The following UNC13C variants were observed in gnomAD, a reference collection of about 807,000 sequenced individuals.
The protein encoded by UNC13C is unc-13 homolog C.
In UNC13C, 174 loss-of-function variants were observed where a neutral mutation model predicts 245.4. The ratio of observed to expected loss-of-function variants is 0.71; its 90% CI spans 0.63 to 0.80. The LOEUF (loss-of-function observed/expected upper bound fraction) is 0.80. UNC13C is among the 30% of genes least tolerant of loss of function. UNC13C has a pLI of 0.00. For synonymous variants in UNC13C, 992 were observed against 895.1 expected (o/e 1.11, Z -1.93); for missense variants, 2,829 against 2,602.9 (o/e 1.09, Z -1.89).
At chr15:53,916,446 C>T in the UNC13C span, among the ~76,000 whole-genome samples, 3 of 151,974 alleles carry the variant, frequency 2.0e-5, no homozygotes, top group Non-Finnish European at 4.4e-5. Flanking sequence ...AGAAGGCTGA[C>T]CTGGAATGGA....
intron 4 of UNC13C, among the ~76,000 whole-genome samples, chr15:54,222,992 T>C (rs2035272666): frequency 6.6e-6 from 1 of 151,922 alleles, no homozygotes; most frequent in African/African-American, 2.4e-5. Flanking sequence ...TTCTGGTTAT[T>C]AATCTCTTGT....
upstream of UNC13C, among the ~76,000 whole-genome samples, chr15:53,975,697 G>A (rs758021021): frequency 6.6e-6 from 1 of 152,176 alleles, no homozygotes; most frequent in Non-Finnish European, 1.5e-5. Flanking sequence ...AGTGACCCAG[G>A]TTCCTTGCTT....
chr15:54,455,197 C>CTA (rs1891423219), intron 19 of UNC13C, among the ~76,000 whole-genome samples: 5 of 43,918 alleles, frequency 1.1e-4, no homozygotes, highest in Admixed American at 3.0e-4. Context: ...CTCTCTCTCT[C>CTA]TCTCTCTCTA....
chr15:53,975,504 G>A (rs992830254), upstream of UNC13C, among the ~76,000 whole-genome samples: 2 of 152,120 alleles, frequency 1.3e-5, no homozygotes, highest in Non-Finnish European at 2.9e-5. Context: ...AATAAAGATC[G>A]AGGTTTTCTA....
chr15:54,067,481 T>A (rs1898128025), intron 2 of UNC13C, among the ~76,000 whole-genome samples: 1 of 152,192 alleles, frequency 6.6e-6, no homozygotes, highest in Admixed American at 6.5e-5. Context: ...ATTATTTCAG[T>A]CAATAAGTCA....
chr15:54,126,208 G>T lies in UNC13C; in HGVS notation c.2984-16810G>T, dbSNP rs549947590. Among the ~76,000 whole-genome samples the T allele has an allele frequency of 2.6e-5, 4 of 152,092 alleles. No individual in the cohort carries two copies. In the South Asian group the frequency reaches 6.2e-4, roughly 24 times the overall value. ...CATAATAAAGTGGATTAAAAAACATGCCTCAACTATATGCTCTCCATAAGG... is the reference window on the plus strand; with the variant it reads ...CATAATAAAGTGGATTAAAAAACATTCCTCAACTATATGCTCTCCATAAGG... On this transcript the variant is annotated intron_variant, in intron 2 of 32. Transcript: ENST00000260323.
chr15:54,490,976 C>G (rs1893675150), intron 19 of UNC13C, among the ~76,000 whole-genome samples: 1 of 152,206 alleles, frequency 6.6e-6, no homozygotes, highest in Admixed American at 6.5e-5. Context: ...CCACAACATC[C>G]TGTACCTGTC....
At chr15:54,136,673 G>C (rs984200986) in intron 2 of UNC13C, among the ~76,000 whole-genome samples, 5 of 152,070 alleles carry the variant, frequency 3.3e-5, no homozygotes, top group African/African-American at 1.2e-4. Flanking sequence ...TATGATGTTA[G>C]CTATGGGCTT....
intron 19 of UNC13C, among the ~76,000 whole-genome samples, chr15:54,464,377 A>G (rs924366047): frequency 2.0e-5 from 3 of 152,164 alleles, no homozygotes; most frequent in Admixed American, 1.3e-4. Context: ...GCTATCATTT[A>G]TCTTCCAAGT....
chr15:54,359,079 T>A (rs2140859720), intron 17 of UNC13C, among the ~76,000 whole-genome samples: 1 of 152,064 alleles, frequency 6.6e-6, no homozygotes, highest in East Asian at 1.9e-4. Context: ...ATATTCATAT[T>A]TGATTTTTTG....
At chr15:53,949,023 T>TA in the UNC13C span, among the ~76,000 whole-genome samples, 2 of 152,248 alleles carry the variant, frequency 1.3e-5, no homozygotes, top group African/African-American at 4.8e-5. Flanking sequence ...GGATTGAAGA[T>TA]ACAGCAGTGG....
At chr15:54,501,459 C>T (rs1596482298) in intron 22 of UNC13C, among the ~76,000 whole-genome samples, 1 of 152,096 alleles carries the variant, frequency 6.6e-6, no homozygotes, top group African/African-American at 2.4e-5. Flanking sequence ...TCATATTTGA[C>T]ATATTGATTT....
chr15:54,017,622 T>A (rs1215502667), intron 2 of UNC13C, among the ~76,000 whole-genome samples: 1 of 152,144 alleles, frequency 6.6e-6, no homozygotes, highest in African/African-American at 2.4e-5. Flanking sequence ...AGATGATACA[T>A]TTCAGAAAAA....
intron 17 of UNC13C, among the ~76,000 whole-genome samples, chr15:54,347,073 A>G (rs2038875842): frequency 6.6e-6 from 1 of 152,204 alleles, no homozygotes; most frequent in Non-Finnish European, 1.5e-5. Context: ...GCTGGATAAT[A>G]TTAATAGTGA....
At chr15:54,394,215 T>A (rs1426225296) in intron 18 of UNC13C, among the ~76,000 whole-genome samples, 1 of 151,910 alleles carries the variant, frequency 6.6e-6, no homozygotes, top group Non-Finnish European at 1.5e-5. Context: ...CTACTTACTA[T>A]TAACCACCCA....
At chr15:54,534,118 G>T (rs1289975923) in intron 26 of UNC13C, among the ~76,000 whole-genome samples, 1 of 152,096 alleles carries the variant, frequency 6.6e-6, no homozygotes, top group Non-Finnish European at 1.5e-5. Flanking sequence ...CCACTGCATC[G>T]CTGCCACCAG....
intron 24 of UNC13C, among the ~76,000 whole-genome samples, chr15:54,512,083 TTGTG>T (rs936465364): frequency 3.3e-5 from 5 of 152,184 alleles, no homozygotes; most frequent in African/African-American, 1.2e-4. Context: ...GCATGTATGT[TTGTG>T]TGTGTAGTCA....
In UNC13C at chr15:54,552,267, A is replaced by G. The variant is rs983442211; in HGVS notation, c.5877+2576A>G. On this transcript the variant is annotated intron_variant, in intron 28 of 32. Transcript: ENST00000260323. ...ATAATTATATTATATATTACAATAT[A>G]TAATATAAAATTATGTATTATATAT... Among the ~76,000 whole-genome samples the G allele has an allele frequency of 3.0e-5, 4 of 134,762 alleles. No individual in the cohort carries two copies. In the Admixed American group the frequency reaches 3.5e-4, roughly 12 times the overall value. 88.4% of individuals were successfully genotyped at this position (134,762 alleles called of 152,430 possible). A position where few individuals can be genotyped will look rare whatever the true frequency, so the allele number is the denominator to read the frequency against.
chr15:53,978,528 C>T lies in UNC13C; in HGVS notation c.-656C>T, dbSNP rs1298279745. ...TCCTCACCCTCAAATGTTGATGAGC[C>T]TGGGCGCTCCTCAACACACGGGAGA... On this transcript the variant is annotated 5_prime_UTR_variant, in exon 1 of 33. Coordinates refer to ENST00000260323, the MANE Select transcript of UNC13C (RefSeq NM_001080534.3). Among the ~76,000 whole-genome samples the T allele has an allele frequency of 1.3e-5, 2 of 152,124 alleles. No homozygotes were observed. Among genetic ancestry groups the T allele is most frequent in the Admixed American group, 6.5e-5 (1 of 15,282 alleles).
Sources: gnomAD v4.1 joint callset for allele counts (sites outside exome capture counted in the v4.1 genomes callset) on GRCh38, gnomAD v4.1.1 for gene constraint, MANE v1.5 for transcripts, NCBI Gene and HGNC (gene_info 2026-07-23, HGNC 2026-07-21) for gene names.